ITGA6: variants seen among roughly 807,000 people sequenced by gnomAD.
ITGA6 encodes integrin subunit alpha 6.
ITGA6 carries 63 observed loss-of-function variants against 133.6 expected under a neutral mutation model. The observed-to-expected ratio is 0.47, with a 90% CI of 0.38 to 0.58. ITGA6 has a LOEUF of 0.58. Among genes scored for constraint, ITGA6 ranks in the 20% least tolerant of loss-of-function variants. The pLI, the probability that ITGA6 is intolerant of heterozygous loss-of-function variation, is 0.00. For synonymous variants in ITGA6, 434 were observed against 482.0 expected (o/e 0.90, Z 1.30); for missense variants, 1,068 against 1,309.4 (o/e 0.82, Z 2.85).
intron 23 of ITGA6, among the ~76,000 whole-genome samples, chr2:172,493,759 A>T (rs1442365228): frequency 1.3e-5 from 2 of 152,314 alleles, no homozygotes; most frequent in East Asian, 3.9e-4. Context: ...GGGTCACCCG[A>T]CCAGCAAGTA....
At position 172,487,081 on chromosome 2, in the gene ITGA6, T is replaced by C; in HGVS notation, c.1913T>C (p.Leu638Pro). 1.2e-6 allele frequency: 2 copies of C among 1,613,406 alleles called. No individual in the cohort carries two copies. Among genetic ancestry groups the C allele is most frequent in the Non-Finnish European group, 1.7e-6 (2 of 1,179,340 alleles). ...AATGTATGTAACAGCAACCTTAAACTAGAATATAAATTTTGCACCCGAGAA... is the reference window on the plus strand; with the variant it reads ...AATGTATGTAACAGCAACCTTAAACCAGAATATAAATTTTGCACCCGAGAA... ...DDNVCNSNLKLEYKFCTREGN... is the reference protein window; with the variant it reads ...DDNVCNSNLKPEYKFCTREGN... Residue 638 changes from leucine to proline, a missense_variant, in exon 14 of 26, where the codon CTA becomes CCA. Transcript: ENST00000684293.
At chr2:172,448,277 T>A (rs989304454) in intron 1 of ITGA6, among the ~76,000 whole-genome samples, 2 of 152,116 alleles carry the variant, frequency 1.3e-5, no homozygotes, top group African/African-American at 4.8e-5. Context: ...AGATTTTTTT[T>A]AATGAGTAAA....
At chr2:172,428,464 G>A (rs1056020629) in intron 1 of ITGA6, 2 of 149,972 alleles carry the variant, frequency 1.3e-5, no homozygotes, top group Admixed American at 6.7e-5. Context: ...CGCACAAGTT[G>A]GAAAGCCACT....
intron 9 of ITGA6, 117 bp downstream of exon 9, chr2:172,476,630 A>C: frequency 1.4e-6 from 1 of 723,530 alleles, no homozygotes; most frequent in Non-Finnish European, 2.6e-6. Flanking sequence ...ATGAATTGTG[A>C]AGCTATTTCT....
At chr2:172,488,283 A>G in intron 19 of ITGA6, 55 bp downstream of exon 19, 1 of 1,069,616 alleles carries the variant, frequency 9.3e-7, no homozygotes, top group South Asian at 1.3e-5. Flanking sequence ...TATACTAGGT[A>G]TGGTCTTGAG....
At position 172,449,342 on chromosome 2, in the gene ITGA6, A is replaced by G. The variant is rs575809326; in HGVS notation, c.183-16197A>G. ...TACAAATATGAGTAGTTCGTTTGCT[A>G]CTTTTTTGGCGAAGAAAAATATTGG... On this transcript the variant is annotated intron_variant, in intron 1 of 25. Coordinates refer to ENST00000684293, the MANE Select transcript of ITGA6 (RefSeq NM_000210.4). 4.6e-5 allele frequency among the ~76,000 whole-genome samples: 7 copies of G among 152,324 alleles called. No individual in the cohort carries two copies. In the South Asian group the frequency reaches 1.4e-3, roughly 32 times the overall value.
intron 23 of ITGA6, among the ~76,000 whole-genome samples, chr2:172,492,235 C>T (rs768852189): frequency 1.6e-4 from 25 of 152,164 alleles, no homozygotes; most frequent in Non-Finnish European, 3.1e-4. Flanking sequence ...GTCAGACCTG[C>T]CTAAAATTTG....
chr2:172,481,509 C>T (rs1239072958), intron 11 of ITGA6, among the ~76,000 whole-genome samples: 2 of 152,152 alleles, frequency 1.3e-5, no homozygotes, highest in South Asian at 2.1e-4. Context: ...TGAAAAGGGA[C>T]AGTTTAAATA....
chr2:172,480,118 C>T lies in ITGA6; in HGVS notation c.1549+67C>T, dbSNP rs55767844. The T allele has an allele frequency of 5.0e-3, 4,786 of 962,820 alleles. 131 individuals carry two copies. In the East Asian group the frequency reaches 0.051, roughly 10 times the overall value. The allele number at this position is 962,820 out of a possible 1,614,324, so 59.6% of individuals were successfully genotyped here. On this transcript the variant is annotated intron_variant, in intron 11 of 25. Transcript: ENST00000684293. ...GCCAGGTTGAAAGTTCTGCATAAAT[C>T]ACAGAAAAATAAAACTGCAGTGGCC... is the stretch of plus-strand genomic sequence containing the variant.
In ITGA6 at chr2:172,460,544, T is replaced by C. The variant is rs191975209; in HGVS notation, c.183-4995T>C. Among the ~76,000 whole-genome samples the C allele has an allele frequency of 8.2e-4, 125 of 152,310 alleles. 4 individuals carry two copies. The highest frequency in any genetic ancestry group is 7.2e-3 in the Admixed American group (110 of 15,300). ...CCTAAAGCTGATAAATCAATACATA[T>C]ATAATAATCCAGAATTATGGAGAAG... On this transcript the variant is annotated intron_variant, in intron 1 of 25. Transcript: ENST00000684293.
intron 7 of ITGA6, 143 bp downstream of exon 7, chr2:172,475,265 C>T (rs890912952): frequency 2.2e-5 from 15 of 679,196 alleles, no homozygotes; most frequent in African/African-American, 1.3e-4. Context: ...GTCGGGAGTT[C>T]GAGACCAGCC....
chr2:172,449,939 A>T (rs1684916888), intron 1 of ITGA6, among the ~76,000 whole-genome samples: 1 of 151,442 alleles, frequency 6.6e-6, no homozygotes. Flanking sequence ...AAAAAAAAAA[A>T]AAAAGAGAGA....
At chr2:172,450,677 G>A (rs561127752) in intron 1 of ITGA6, among the ~76,000 whole-genome samples, 25 of 151,968 alleles carry the variant, frequency 1.6e-4, no homozygotes, top group African/African-American at 5.5e-4. Context: ...GAAGGGGGCC[G>A]GGCATGGTGC....
chr2:172,475,772 A>G, intron 8 of ITGA6, 87 bp downstream of exon 8: 1 of 797,868 alleles, frequency 1.3e-6, no homozygotes, highest in South Asian at 1.4e-5. Context: ...CTTTTCACAC[A>G]AATCTTATTT....
chr2:172,466,313 C>T (rs1559133904), intron 2 of ITGA6, among the ~76,000 whole-genome samples: 2 of 152,164 alleles, frequency 1.3e-5, no homozygotes, highest in South Asian at 2.1e-4. Context: ...CTTGCTTCTT[C>T]ATCTTTTAGA....
Position 172,471,027 on chromosome 2 carries a change from GAAGA to G in ITGA6, c.698_701del (p.Glu233ValfsTer25). The G allele has an allele frequency of 6.2e-7, 1 of 1,614,032 alleles. No individual in the cohort carries two copies. The highest frequency in any genetic ancestry group is 8.5e-7 in the Non-Finnish European group (1 of 1,179,926). Reference sequence around the variant, plus strand: ...CACTTTTTTTGACATGAACATCTTTGAAGATGGGCCTTATGAAGTTGGTGGAGAG... The same window carrying G: ...CACTTTTTTTGACATGAACATCTTTGTGGGCCTTATGAAGTTGGTGGAGAG... On this transcript the variant is annotated frameshift_variant, in exon 5 of 26. Transcript: ENST00000684293. LOFTEE classifies it high-confidence loss of function.
intron 1 of ITGA6, among the ~76,000 whole-genome samples, chr2:172,451,507 G>GCA (rs1685004356): frequency 6.6e-6 from 1 of 152,074 alleles, no homozygotes; most frequent in Non-Finnish European, 1.5e-5. Context: ...CCTGGCTGGG[G>GCA]GAGAAGCTGA....
chr2:172,430,037 C>T (rs1023839424), intron 1 of ITGA6, among the ~76,000 whole-genome samples: 1 of 152,212 alleles, frequency 6.6e-6, no homozygotes, highest in African/African-American at 2.4e-5. Context: ...TATGGAAAAA[C>T]TCAGTGGGGG....
chr2:172,439,444 T>TCC (rs1684452968), intron 1 of ITGA6, among the ~76,000 whole-genome samples: 1 of 151,736 alleles, frequency 6.6e-6, no homozygotes, highest in Admixed American at 6.6e-5. Context: ...GGAAATAGAA[T>TCC]ATCTTTGGAA....
Sources: gnomAD v4.1 joint callset for allele counts (sites outside exome capture counted in the v4.1 genomes callset) on GRCh38, gnomAD v4.1.1 for gene constraint, MANE v1.5 for transcripts, NCBI Gene and HGNC (gene_info 2026-07-23, HGNC 2026-07-21) for gene names.